The following CD53 variants were observed in gnomAD, a reference collection of about 807,000 sequenced individuals.
The protein encoded by CD53 is CD53 molecule.
CD53 carries 20 observed loss-of-function variants against 27.3 expected under a neutral mutation model. The ratio of observed to expected loss-of-function variants is 0.73; its 90% CI spans 0.52 to 1.07. The LOEUF (loss-of-function observed/expected upper bound fraction) is 1.07, where lower values mean the gene tolerates loss of function less well. Ranked by LOEUF, CD53 falls within the 50% of genes least tolerant of loss-of-function variation. The pLI, the probability that CD53 is intolerant of heterozygous loss-of-function variation, is 0.00. For synonymous variants in CD53, 106 were observed against 105.3 expected (o/e 1.01, Z -0.04); for missense variants, 216 against 264.0 (o/e 0.82, Z 1.26).
Position 110,897,594 on chromosome 1 carries a change from T to C in CD53, c.505-215T>C, listed in dbSNP as rs1315806124. On this transcript the variant is annotated intron_variant, in intron 6 of 7. Transcript: ENST00000271324. ...AAGGATCTAGGACTTCTACATTAGT[T>C]ACCACTGTAATGATAACACCACCAG... The C allele has an allele frequency of 2.6e-5, 11 of 425,224 alleles. No homozygotes were observed. The South Asian group carries it at 4.0e-4, about 15-fold the overall frequency. The allele number at this position is 425,224 out of a possible 1,614,324, so 26.3% of individuals were successfully genotyped here.
intron 1 of CD53, among the ~76,000 whole-genome samples, chr1:110,879,090 A>C (rs10857834): frequency 0.22 from 33,516 of 152,028 alleles, 4,058 homozygotes; most frequent in East Asian, 0.32. Flanking sequence ...TGAAACAAGC[A>C]AGGGATTATT....
At chr1:110,884,308 A>G (rs1402014982) in intron 1 of CD53, among the ~76,000 whole-genome samples, 3 of 152,104 alleles carry the variant, frequency 2.0e-5, no homozygotes, top group Admixed American at 6.5e-5. Flanking sequence ...CAATTTGAGG[A>G]AACTTTCTAG....
chr1:110,885,125 A>G (rs1266091067), intron 1 of CD53, among the ~76,000 whole-genome samples: 1 of 152,202 alleles, frequency 6.6e-6, no homozygotes, highest in Non-Finnish European at 1.5e-5. Flanking sequence ...ACATATAAGA[A>G]GCTCACAGTA....
chr1:110,881,080 A>G (rs1656336409), intron 1 of CD53, among the ~76,000 whole-genome samples: 1 of 152,210 alleles, frequency 6.6e-6, no homozygotes. Context: ...TGTTGCCATG[A>G]GTGTGGAGTG....
In CD53 at chr1:110,891,333, C is replaced by G. The variant is rs1557818910; in HGVS notation, c.-17-59C>G. 8 of 1,165,418 alleles carry G rather than the reference C, an allele frequency of 6.9e-6. No individual in the cohort carries two copies. The East Asian group carries it at 1.9e-4, about 27-fold the overall frequency. 72.2% of individuals were successfully genotyped at this position (1,165,418 alleles called of 1,614,324 possible). On this transcript the variant is annotated intron_variant, in intron 1 of 7. Coordinates refer to ENST00000271324, the MANE Select transcript of CD53 (RefSeq NM_000560.4). ...AGAGATCCCTGAACATTTGTGCACTCTGATCTCTGGCTACCTTACAGAGTG... is the reference window on the plus strand; with the variant it reads ...AGAGATCCCTGAACATTTGTGCACTGTGATCTCTGGCTACCTTACAGAGTG...
At chr1:110,872,195 T>A (rs930827316), upstream of CD53, among the ~76,000 whole-genome samples, 1 of 152,216 alleles carries the variant, frequency 6.6e-6, no homozygotes, top group Non-Finnish European at 1.5e-5. Flanking sequence ...TTTGACCCAA[T>A]CTAAGAAAAT....
At chr1:110,871,843 A>ACACACAC (rs1018657156), upstream of CD53, among the ~76,000 whole-genome samples, 1 of 151,754 alleles carries the variant, frequency 6.6e-6, no homozygotes, top group Non-Finnish European at 1.5e-5. Context: ...ACACACACAC[A>ACACACAC]CACACCACAC....
At chr1:110,897,243 G>T (rs1657106590) in intron 6 of CD53, among the ~76,000 whole-genome samples, 1 of 152,138 alleles carries the variant, frequency 6.6e-6, no homozygotes, top group Admixed American at 6.5e-5. Flanking sequence ...TCCAGAATAG[G>T]CTCTGAGAAG....
rs762797252 is a variant in CD53 at position 110,892,478 on chromosome 1, T to C, written c.197T>C (p.Val66Ala). The C allele has an allele frequency of 1.2e-6, 2 of 1,614,166 alleles. No homozygotes were observed. Among genetic ancestry groups the C allele is most frequent in the South Asian group, 2.2e-5 (2 of 91,080 alleles). ...ATCGTGGGCTCTATTATCATGGTAG[T>C]TGCCTTCCTGGGCTGCATGGGCTCT... ...FVIVGSIIMV[V>A]AFLGCMGSIK... The change falls in exon 3 of 8, where the codon GTT (valine) becomes GCT (alanine). Residue 66 changes from valine (V) to alanine (A), a missense_variant. By Grantham distance (64) the Val-to-Ala change is moderately conservative. Transcript: ENST00000271324.
At chr1:110,886,603 C>G (rs772798979) in intron 1 of CD53, among the ~76,000 whole-genome samples, 2 of 151,978 alleles carry the variant, frequency 1.3e-5, no homozygotes, top group African/African-American at 2.4e-5. Context: ...AATCCCAGCA[C>G]TTTGGGAGGC....
At chr1:110,890,892 C>T (rs1345585711) in intron 1 of CD53, among the ~76,000 whole-genome samples, 3 of 152,154 alleles carry the variant, frequency 2.0e-5, no homozygotes, top group Non-Finnish European at 2.9e-5. Context: ...ATAAATGAGG[C>T]GTGGATATGT....
At chr1:110,886,024 T>C (rs911878357) in intron 1 of CD53, among the ~76,000 whole-genome samples, 7 of 152,236 alleles carry the variant, frequency 4.6e-5, no homozygotes, top group African/African-American at 1.7e-4. Context: ...GGATTGCTTT[T>C]AACATTTCTT....
intron 1 of CD53, among the ~76,000 whole-genome samples, chr1:110,878,673 C>T (rs1026180599): frequency 2.6e-5 from 4 of 152,088 alleles, no homozygotes; most frequent in African/African-American, 7.2e-5. Flanking sequence ...TATATATTCT[C>T]AATCTTAGCT....
At chr1:110,872,398 T>C (rs566178852), upstream of CD53, among the ~76,000 whole-genome samples, 1 of 152,326 alleles carries the variant, frequency 6.6e-6, no homozygotes, top group South Asian at 2.1e-4. Flanking sequence ...GATGTAACAG[T>C]AACCAGTAGG....
chr1:110,894,374 C>T lies in CD53; in HGVS notation c.300C>T (p.Ala100=), dbSNP rs768911989. ...TCCTCCTTGCTGAGGTGACCTTGGC[C>T]ATCCTGCTCTTTGTATATGAACAGA... ...LIILLAEVTL[A]ILLFVYEQKL... Residue 100 remains alanine (A), a synonymous_variant, in exon 4 of 8, where the codon GCC becomes GCT. Coordinates refer to ENST00000271324, the MANE Select transcript of CD53 (RefSeq NM_000560.4). The T allele has an allele frequency of 1.9e-6, 3 of 1,614,018 alleles. No individual in the cohort carries two copies. The South Asian group carries it at 3.3e-5, about 18-fold the overall frequency.
chr1:110,897,076 A>G (rs1657099023), intron 6 of CD53, among the ~76,000 whole-genome samples: 1 of 152,236 alleles, frequency 6.6e-6, no homozygotes, highest in South Asian at 2.1e-4. Context: ...GGGTTGAGAT[A>G]GAAAAGTTTC....
Position 110,899,304 on chromosome 1 carries a change from T to G in CD53, c.*109T>G, listed in dbSNP as rs1364455075. 2.6e-6 allele frequency: 2 copies of G among 767,988 alleles called. No homozygotes were observed. Among genetic ancestry groups the G allele is most frequent in the East Asian group, 5.4e-5 (2 of 36,934 alleles). The allele number at this position is 767,988 out of a possible 1,614,324, so 47.6% of individuals were successfully genotyped here. On this transcript the variant is annotated 3_prime_UTR_variant, in exon 8 of 8. Transcript: ENST00000271324. ...TGCAGGATGATCCTCCTCCCATCCT[T>G]TCCCTTTTTAGGTCCCTGTCTTATA...
At chr1:110,880,016 T>C (rs1454340497) in intron 1 of CD53, among the ~76,000 whole-genome samples, 1 of 152,194 alleles carries the variant, frequency 6.6e-6, no homozygotes, top group African/African-American at 2.4e-5. Context: ...CTCAAGCCCA[T>C]TGGAGGAAAC....
chr1:110,899,405 C>T lies in CD53; in HGVS notation c.*210C>T, dbSNP rs1657209305. Reference sequence around the variant, plus strand: ...ACAATCTTTCACTCACTGACGGCAGCAGCCATGTCTCTCAAAGTGGTGAAA... The same window carrying T: ...ACAATCTTTCACTCACTGACGGCAGTAGCCATGTCTCTCAAAGTGGTGAAA... On this transcript the variant is annotated 3_prime_UTR_variant, in exon 8 of 8. Coordinates refer to ENST00000271324, the MANE Select transcript of CD53 (RefSeq NM_000560.4). 2.0e-6 allele frequency: 1 copy of T among 492,090 alleles called. No homozygotes were observed. The highest frequency in any genetic ancestry group is 3.7e-6 in the Non-Finnish European group (1 of 272,362). The allele number at this position is 492,090 out of a possible 1,614,324, so 30.5% of individuals were successfully genotyped here.
Sources: allele counts gnomAD v4.1 joint callset (sites outside exome capture counted in the v4.1 genomes callset), GRCh38; gene constraint gnomAD v4.1.1; transcripts MANE v1.5; gene names NCBI Gene and HGNC (gene_info 2026-07-23, HGNC 2026-07-21).